Variants in MGST1 observed in about 807,000 individuals in gnomAD.
MGST1 encodes glutathione S-transferase 12.
In MGST1, 5 loss-of-function variants were observed where a neutral mutation model predicts 8.9. The observed-to-expected ratio is 0.56, with a 90% confidence interval of 0.29 to 1.19. The LOEUF (loss-of-function observed/expected upper bound fraction) is 1.19, where lower values mean the gene tolerates loss of function less well. Ranked by LOEUF, MGST1 falls within the 50% of genes most tolerant of loss-of-function variation. The probability of loss-of-function intolerance (pLI) is 0.08; values close to 1 mark genes in which losing one functional copy is unlikely to be tolerated. For missense variants in MGST1, 182 were observed against 187.4 expected (o/e 0.97, Z 0.17); for synonymous variants, 54 against 67.8 (o/e 0.80, Z 1.00).
At chr12:16,427,138 C>G (rs565045749) in intron 1 of MGST1, among the ~76,000 whole-genome samples, 1 of 152,154 alleles carries the variant, frequency 6.6e-6, no homozygotes, top group African/African-American at 2.4e-5. Context: ...CAATTGTTTA[C>G]ATTATTCTAT....
chr12:16,378,086 T>C (rs1156780611), downstream of MGST1, among the ~76,000 whole-genome samples: 1 of 152,102 alleles, frequency 6.6e-6, no homozygotes, highest in Non-Finnish European at 1.5e-5. Context: ...TTTTCTGCCA[T>C]TCTGTAGGTT....
At chr12:16,465,467 G>C (rs527509160) in intron 4 of MGST1, among the ~76,000 whole-genome samples, 2 of 152,152 alleles carry the variant, frequency 1.3e-5, no homozygotes, top group Non-Finnish European at 2.9e-5. Flanking sequence ...GGAGGTGAGC[G>C]TCGTGAGTGA....
At chr12:16,358,521 C>A (rs1370465738) in intron 3 of MGST1, among the ~76,000 whole-genome samples, 1 of 151,450 alleles carries the variant, frequency 6.6e-6, no homozygotes, top group Non-Finnish European at 1.5e-5. Context: ...GGCTGGAGTG[C>A]AATGGTGTGA....
At chr12:16,578,805 G>A (rs1943070962) in intron 4 of MGST1, among the ~76,000 whole-genome samples, 1 of 149,110 alleles carries the variant, frequency 6.7e-6, no homozygotes, top group African/African-American at 2.5e-5. Flanking sequence ...GAGACAGAGC[G>A]AGATTCTGTC....
chr12:16,455,750 T>C (rs1266588618), intron 4 of MGST1, among the ~76,000 whole-genome samples: 1 of 151,866 alleles, frequency 6.6e-6, no homozygotes, highest in Non-Finnish European at 1.5e-5. Context: ...GAAAGTTACA[T>C]TTATAATGGC....
At chr12:16,493,924 C>A (rs761034320) in intron 4 of MGST1, among the ~76,000 whole-genome samples, 4 of 152,154 alleles carry the variant, frequency 2.6e-5, no homozygotes, top group South Asian at 2.1e-4. Context: ...TAGAAGAGAA[C>A]CTTTATAGAT....
At chr12:16,415,304 A>G (rs185151924) in intron 1 of MGST1, among the ~76,000 whole-genome samples, 8 of 152,350 alleles carry the variant, frequency 5.3e-5, no homozygotes, top group Admixed American at 3.3e-4. Flanking sequence ...GAGGAGGGGT[A>G]CATTGTGAAT....
In MGST1 at chr12:16,506,134, A is replaced by G. The variant is rs11056960; in HGVS notation, n.483-83394A>G. On this transcript the variant is annotated intron_variant and non_coding_transcript_variant, in intron 4 of 4. Coordinates refer to the MGST1 transcript ENST00000538857. Reference sequence around the variant, plus strand: ...TTGCAAGCTAACAATTTAGCCTGTTATAGTTTCATGGGTGTTGGCAGAAGA... The same window carrying G: ...TTGCAAGCTAACAATTTAGCCTGTTGTAGTTTCATGGGTGTTGGCAGAAGA... Among the ~76,000 whole-genome samples the G allele has an allele frequency of 8.4e-3, 1,286 of 152,302 alleles. 49 individuals carry two copies. The East Asian group carries it at 0.14, about 16-fold the overall frequency.
downstream of MGST1, among the ~76,000 whole-genome samples, chr12:16,443,452 A>G (rs1163930735): frequency 6.6e-6 from 1 of 151,630 alleles, no homozygotes; most frequent in African/African-American, 2.4e-5. Flanking sequence ...TTGTATTAGT[A>G]AAATATTTTT....
chr12:16,549,171 T>G (rs1312383625), intron 4 of MGST1: 1 of 152,048 alleles, frequency 6.6e-6, no homozygotes, highest in Non-Finnish European at 1.5e-5. Context: ...TTCACTGATC[T>G]CTCCCCCACA....
Position 16,546,633 on chromosome 12 carries a change from T to C in MGST1, n.483-42895T>C, listed in dbSNP as rs114706758. 1.9e-3 allele frequency among the ~76,000 whole-genome samples: 293 copies of C among 152,266 alleles called. No homozygotes were observed. Among genetic ancestry groups the C allele is most frequent in the African/African-American group, 6.8e-3 (283 of 41,574 alleles). On this transcript the variant is annotated intron_variant and non_coding_transcript_variant, in intron 4 of 4. Transcript: ENST00000538857. This position sits in a 1 kb window ranked among gnomAD's most constrained non-coding sequence, Gnocchi z 4.7. ...AAAAACATTTTTAAAAAGTTCAGTG[T>C]GTGTAATTGTTAACACCTGCTATGT...
intron 1 of MGST1, among the ~76,000 whole-genome samples, chr12:16,422,606 T>C (rs1172465022): frequency 7.2e-5 from 11 of 152,170 alleles, no homozygotes. Context: ...ATTGCTTCTG[T>C]CTGATCCCAA....
chr12:16,567,085 A>G (rs1228523905), intron 4 of MGST1, among the ~76,000 whole-genome samples: 1 of 152,140 alleles, frequency 6.6e-6, no homozygotes, highest in Admixed American at 6.6e-5. Flanking sequence ...ATTTCCAGCT[A>G]CTCAGGAGGC....
At chr12:16,505,959 G>A (rs1941535808) in intron 4 of MGST1, among the ~76,000 whole-genome samples, 1 of 152,162 alleles carries the variant, frequency 6.6e-6, no homozygotes, top group East Asian at 1.9e-4. Context: ...CATGTCCAAT[G>A]TTGCCAAATA....
intron 4 of MGST1, among the ~76,000 whole-genome samples, chr12:16,452,934 A>C (rs977447883): frequency 2.0e-5 from 3 of 151,882 alleles, no homozygotes; most frequent in Non-Finnish European, 4.4e-5. Context: ...CTTTAGGATA[A>C]AAAGATACAT....
intron 4 of MGST1, among the ~76,000 whole-genome samples, chr12:16,478,086 G>A (rs185948462): frequency 2.6e-5 from 4 of 152,334 alleles, no homozygotes; most frequent in Non-Finnish European, 2.9e-5. Flanking sequence ...CTGGACTGCA[G>A]TGGCACGATC....
At chr12:16,436,575 G>C (rs549876574) in intron 1 of MGST1, among the ~76,000 whole-genome samples, 1 of 151,798 alleles carries the variant, frequency 6.6e-6, no homozygotes, top group Non-Finnish European at 1.5e-5. Flanking sequence ...AACAGTAAAA[G>C]GAAGTATTTC....
Position 16,399,330 on chromosome 12 carries a change from C to T in MGST1, n.778+15726C>T, listed in dbSNP as rs993935708. On this transcript the variant is annotated intron_variant and non_coding_transcript_variant, in intron 1 of 1. Transcript: ENST00000359720. ...GCTGTGTGTGGAACCATGGTTGGAA[C>T]CACGGTTAGAGCCATGGCCCAAACT... is the stretch of plus-strand genomic sequence containing the variant. 14 of 1,598,322 alleles carry T rather than the reference C, an allele frequency of 8.8e-6. No individual in the cohort carries two copies. In the African/African-American group the frequency reaches 1.9e-4, roughly 21 times the overall value.
chr12:16,581,226 C>T (rs1943148376), intron 4 of MGST1, among the ~76,000 whole-genome samples: 1 of 152,156 alleles, frequency 6.6e-6, no homozygotes, highest in Non-Finnish European at 1.5e-5. Flanking sequence ...TCACTAAACA[C>T]TAGAGTACAG....
Sources: gnomAD v4.1 joint callset for allele counts (sites outside exome capture counted in the v4.1 genomes callset) on GRCh38, gnomAD v4.1.1 for gene constraint, Gnocchi (gnomAD v3.1) non-coding constraint, MANE v1.5 for transcripts, NCBI Gene and HGNC (gene_info 2026-07-23, HGNC 2026-07-21) for gene names.